ARID4A: variants seen among roughly 807,000 people sequenced by gnomAD.
ARID4A encodes AT-rich interactive domain-containing protein 4A.
Under a neutral mutation model 148.6 loss-of-function variants are expected in ARID4A, and 39 were observed. The ratio of observed to expected loss-of-function variants is 0.26; its 90% CI spans 0.20 to 0.34. The LOEUF (loss-of-function observed/expected upper bound fraction) is 0.34, where lower values mean the gene tolerates loss of function less well. Ranked by LOEUF, ARID4A falls within the 10% of genes least tolerant of loss-of-function variation. The pLI is 1.00. For missense variants in ARID4A, 1,265 were observed against 1,449.1 expected (o/e 0.87, Z 2.06); for synonymous variants, 475 against 481.2 (o/e 0.99, Z 0.17).
At chr14:58,367,051 T>A (rs1356805673) in intron 23 of ARID4A, 22 bp downstream of exon 23, 1 of 1,421,808 alleles carries the variant, frequency 7.0e-7, no homozygotes, top group Non-Finnish European at 9.2e-7. Context: ...ATGATTTTTC[T>A]CCCCTTATAT....
chr14:58,322,123 AC>A (rs1205010097), intron 7 of ARID4A, among the ~76,000 whole-genome samples: 1 of 151,828 alleles, frequency 6.6e-6, no homozygotes, highest in African/African-American at 2.4e-5. Flanking sequence ...GGTGTGTGAT[AC>A]CACACCTGGC....
At chr14:58,370,852 C>G (rs984288004) in intron 23 of ARID4A, among the ~76,000 whole-genome samples, 3 of 152,128 alleles carry the variant, frequency 2.0e-5, no homozygotes, top group Non-Finnish European at 2.9e-5. Context: ...CTAAAGCAAT[C>G]CTTTTGCTTT....
chr14:58,342,845 A>C (rs921261567), intron 11 of ARID4A, among the ~76,000 whole-genome samples: 13 of 152,140 alleles, frequency 8.5e-5, no homozygotes, highest in Admixed American at 5.9e-4. Flanking sequence ...CTCGGGAGGC[A>C]GAGGGTTGCA....
At chr14:58,303,018 T>G in intron 3 of ARID4A, among the ~76,000 whole-genome samples, 1 of 152,160 alleles carries the variant, frequency 6.6e-6, no homozygotes, top group Non-Finnish European at 1.5e-5. Flanking sequence ...TTTTTGGTGG[T>G]TCCTGCCAGT....
intron 7 of ARID4A, among the ~76,000 whole-genome samples, chr14:58,319,447 T>C: frequency 6.6e-6 from 1 of 151,798 alleles, no homozygotes; most frequent in African/African-American, 2.4e-5. Flanking sequence ...TTTTATCTTT[T>C]ACTTCAAAAA....
chr14:58,328,173 T>A, intron 8 of ARID4A, 64 bp from the exon 9 acceptor site: 2 of 1,221,308 alleles, frequency 1.6e-6, no homozygotes, highest in Non-Finnish European at 2.4e-6. Flanking sequence ...ATTGTTCTTT[T>A]GAAAAATACT....
intron 7 of ARID4A, among the ~76,000 whole-genome samples, chr14:58,319,952 T>C (rs571959734): frequency 1.4e-4 from 21 of 145,560 alleles, no homozygotes; most frequent in African/African-American, 4.3e-4. Context: ...TCTTTTCTTT[T>C]TTTTTTTTTT....
At chr14:58,337,246 T>TTATATATATATATATATATATATAGA (rs57605969) in intron 11 of ARID4A, among the ~76,000 whole-genome samples, 1 of 83,818 alleles carries the variant, frequency 1.2e-5, no homozygotes, top group Non-Finnish European at 2.5e-5. Context: ...TTCTCTTTAT[T>TTATATATATATATATATATATATAGA]TATATATATA....
intron 19 of ARID4A, among the ~76,000 whole-genome samples, chr14:58,363,563 G>T (rs1289367793): frequency 6.6e-6 from 1 of 152,080 alleles, no homozygotes; most frequent in Admixed American, 6.5e-5. Context: ...GCCGGGCGTG[G>T]TGGCCTGCGC....
intron 19 of ARID4A, 123 bp downstream of exon 19, chr14:58,361,165 A>G (rs2035118195): frequency 7.2e-7 from 1 of 1,382,504 alleles, no homozygotes; most frequent in Non-Finnish European, 9.5e-7. Context: ...TAAAACTTCC[A>G]TTGTGTGAAA....
At chr14:58,366,820 T>C in intron 22 of ARID4A, 63 bp from the exon 23 acceptor site, 10 of 1,275,148 alleles carry the variant, frequency 7.8e-6, no homozygotes, top group Non-Finnish European at 1.1e-5. Flanking sequence ...TTTGATAGAA[T>C]TGTCATCATT....
chr14:58,340,846 A>G lies in ARID4A; in HGVS notation c.907-3849A>G, dbSNP rs113936861. Among the ~76,000 whole-genome samples the G allele has an allele frequency of 1.1e-3, 172 of 152,344 alleles. 2 individuals are homozygous for G. Among genetic ancestry groups the G allele is most frequent in the African/African-American group, 4.1e-3 (170 of 41,576 alleles). On this transcript the variant is annotated intron_variant, in intron 11 of 23. Coordinates refer to ENST00000355431, the MANE Select transcript of ARID4A (RefSeq NM_002892.4). Reference sequence around the variant, plus strand: ...TTTCCTCTCTTTCTCTGACTCTTGCATTTATATTATCATAAATCTTAGCTC... The same window carrying G: ...TTTCCTCTCTTTCTCTGACTCTTGCGTTTATATTATCATAAATCTTAGCTC...
intron 5 of ARID4A, among the ~76,000 whole-genome samples, chr14:58,317,423 T>C (rs1594884995): frequency 2.0e-5 from 3 of 148,778 alleles, no homozygotes; most frequent in South Asian, 4.3e-4. Flanking sequence ...TAGCTGGGAC[T>C]ACAGGCGCCC....
Position 58,362,745 on chromosome 14 carries a change from A to G in ARID4A, c.2081-1425A>G, listed in dbSNP as rs149617738. Reference sequence around the variant, plus strand: ...GCTAATTTTTGTATTTTTAGCAGCAATAGGGTTTTACTATGTTAGCCACGC... The same window carrying G: ...GCTAATTTTTGTATTTTTAGCAGCAGTAGGGTTTTACTATGTTAGCCACGC... On this transcript the variant is annotated intron_variant, in intron 19 of 23. Coordinates refer to ENST00000355431, the MANE Select transcript of ARID4A (RefSeq NM_002892.4). Among the ~76,000 whole-genome samples the G allele has an allele frequency of 3.5e-3, 534 of 152,052 alleles. 11 individuals are homozygous for G. Among genetic ancestry groups the G allele is most frequent in the African/African-American group, 0.012 (515 of 41,504 alleles).
chr14:58,334,337 A>G (rs917149087), intron 11 of ARID4A, among the ~76,000 whole-genome samples: 8 of 152,204 alleles, frequency 5.3e-5, no homozygotes, highest in African/African-American at 1.9e-4. Context: ...CAGTTAACTG[A>G]TAAAATACAA....
At chr14:58,371,822 G>A in intron 23 of ARID4A, 64 bp from the exon 24 acceptor site, 2 of 1,159,146 alleles carry the variant, frequency 1.7e-6, no homozygotes, top group Non-Finnish European at 2.6e-6. Context: ...TTTCTAATTT[G>A]CTGTTAGCTG....
chr14:58,329,284 A>G (rs1299853477), intron 9 of ARID4A, among the ~76,000 whole-genome samples: 2 of 152,202 alleles, frequency 1.3e-5, no homozygotes, highest in Non-Finnish European at 2.9e-5. Context: ...GGAGGATTGT[A>G]TAGATTGAAA....
chr14:58,326,377 C>CG (rs2033212597), intron 8 of ARID4A, among the ~76,000 whole-genome samples: 1 of 152,096 alleles, frequency 6.6e-6, no homozygotes, highest in South Asian at 2.1e-4. Flanking sequence ...GCGGAACTTG[C>CG]GGTGAGCTGA....
chr14:58,319,040 G>T (rs974704796), intron 7 of ARID4A, among the ~76,000 whole-genome samples: 1 of 151,896 alleles, frequency 6.6e-6, no homozygotes, highest in African/African-American at 2.4e-5. Flanking sequence ...CTTTGCCGAA[G>T]TTTTTTTTGT....
Sources: gnomAD v4.1 joint callset for allele counts (sites outside exome capture counted in the v4.1 genomes callset) on GRCh38, gnomAD v4.1.1 for gene constraint, MANE v1.5 for transcripts, NCBI Gene and HGNC (gene_info 2026-07-23, HGNC 2026-07-21) for gene names.